The following TOX3 variants were observed in gnomAD, a reference collection of about 807,000 sequenced individuals.
The protein encoded by TOX3 is CAG trinucleotide repeat-containing gene F9 protein.
TOX3 carries 22 observed loss-of-function variants against 64.3 expected under a neutral mutation model. The ratio of observed to expected loss-of-function variants is 0.34; its 90% CI spans 0.24 to 0.49. TOX3 has a LOEUF of 0.49. TOX3 is among the 20% of genes least tolerant of loss of function. TOX3 has a pLI of 0.99. For missense variants in TOX3, 661 were observed against 714.4 expected (o/e 0.93, Z 0.85); for synonymous variants, 291 against 273.6 (o/e 1.06, Z -0.63).
intron 1 of TOX3, among the ~76,000 whole-genome samples, chr16:52,511,105 T>C (rs754500303): frequency 5.3e-5 from 8 of 152,172 alleles, no homozygotes; most frequent in Non-Finnish European, 8.8e-5. Flanking sequence ...CAGGTCATGC[T>C]GTGACCATCT....
At chr16:52,442,232 A>T (rs1216222301) in intron 6 of TOX3, among the ~76,000 whole-genome samples, 1 of 152,174 alleles carries the variant, frequency 6.6e-6, no homozygotes, top group African/African-American at 2.4e-5. Context: ...ATTAAAAGTG[A>T]TAGCAGAGTC....
intron 1 of TOX3, among the ~76,000 whole-genome samples, chr16:52,520,352 G>T (rs762463833): frequency 3.3e-5 from 5 of 152,152 alleles, no homozygotes; most frequent in Non-Finnish European, 5.9e-5. Flanking sequence ...AAAATACAGT[G>T]CTCTGCCTCT....
intron 3 of TOX3, among the ~76,000 whole-genome samples, chr16:52,453,452 G>A (rs1960418517): frequency 6.6e-6 from 1 of 152,054 alleles, no homozygotes; most frequent in African/African-American, 2.4e-5. Context: ...CCAAAGTGCT[G>A]GGATTACAGG....
chr16:52,505,721 G>T (rs906814340), intron 1 of TOX3, among the ~76,000 whole-genome samples: 2 of 152,148 alleles, frequency 1.3e-5, no homozygotes, highest in African/African-American at 4.8e-5. Context: ...TCATGTCTGT[G>T]ATCCCAGCAC....
At chr16:52,525,853 C>T (rs557821489) in intron 1 of TOX3, among the ~76,000 whole-genome samples, 1 of 152,298 alleles carries the variant, frequency 6.6e-6, no homozygotes, top group East Asian at 1.9e-4. Flanking sequence ...CAATACATCG[C>T]ATTGAAAGGT....
At chr16:52,536,556 A>G (rs1346333463) in intron 1 of TOX3, among the ~76,000 whole-genome samples, 1 of 146,182 alleles carries the variant, frequency 6.8e-6, no homozygotes, top group African/African-American at 2.5e-5. Flanking sequence ...ATCAATTCCC[A>G]TGCCCATACA....
At chr16:52,453,334 C>T (rs1401813838) in intron 3 of TOX3, among the ~76,000 whole-genome samples, 1 of 152,038 alleles carries the variant, frequency 6.6e-6, no homozygotes, top group Non-Finnish European at 1.5e-5. Flanking sequence ...CAGGCACGCA[C>T]CACCATACCC....
intron 1 of TOX3, among the ~76,000 whole-genome samples, chr16:52,542,493 C>G (rs1963095288): frequency 6.6e-6 from 1 of 152,010 alleles, no homozygotes; most frequent in Non-Finnish European, 1.5e-5. Context: ...GATTATCATC[C>G]TCTTGAAAAA....
intron 3 of TOX3, among the ~76,000 whole-genome samples, chr16:52,454,418 C>T (rs1441713459): frequency 6.6e-6 from 1 of 152,130 alleles, no homozygotes; most frequent in African/African-American, 2.4e-5. Flanking sequence ...TTTAAAGTAA[C>T]CTCTGACCCA....
intron 3 of TOX3, among the ~76,000 whole-genome samples, chr16:52,460,608 G>C (rs546304886): frequency 1.2e-4 from 18 of 152,124 alleles, no homozygotes; most frequent in Admixed American, 9.8e-4. Flanking sequence ...TTCTATTCAA[G>C]ATATTTTATC....
chr16:52,547,749 C>A (rs1392153101), upstream of TOX3: 1 of 152,190 alleles, frequency 6.6e-6, no homozygotes, highest in African/African-American at 2.4e-5. Flanking sequence ...TGGGGCCTGA[C>A]CTTTCACAGG....
In TOX3 at chr16:52,438,267, A is replaced by C. The variant is rs1053057199; in HGVS notation, c.*958T>G. On this transcript the variant is annotated 3_prime_UTR_variant, in exon 7 of 7. Coordinates refer to ENST00000219746, the MANE Select transcript of TOX3 (RefSeq NM_001080430.4). ...TTACGTTAAAGCCTCATTTAGGAAA[A>C]CTTTACAGCACATGATATGAAAACT... The C allele has an allele frequency of 2.6e-5, 4 of 152,652 alleles. No individual in the cohort carries two copies. The highest frequency in any genetic ancestry group is 4.4e-5 in the Non-Finnish European group (3 of 68,032). The allele number at this position is 152,652 out of a possible 1,614,324, so 9.5% of individuals were successfully genotyped here.
intron 1 of TOX3, among the ~76,000 whole-genome samples, chr16:52,474,740 G>A (rs1961158489): frequency 6.6e-6 from 1 of 152,024 alleles, no homozygotes; most frequent in Non-Finnish European, 1.5e-5. Context: ...AAAGAACTAA[G>A]GAAGGAGGGA....
chr16:52,452,211 G>A (rs552099568), intron 3 of TOX3, among the ~76,000 whole-genome samples: 4 of 152,308 alleles, frequency 2.6e-5, no homozygotes, highest in African/African-American at 7.2e-5. Flanking sequence ...GGGGTAGAAT[G>A]GGAGGGGCAA....
intron 1 of TOX3, among the ~76,000 whole-genome samples, chr16:52,509,230 T>A (rs1359415649): frequency 6.6e-6 from 1 of 152,218 alleles, no homozygotes; most frequent in African/African-American, 2.4e-5. Context: ...CTAAAAGATT[T>A]TTTTCCAACC....
intron 1 of TOX3, among the ~76,000 whole-genome samples, chr16:52,532,518 T>C (rs539646248): frequency 6.6e-6 from 1 of 152,344 alleles, no homozygotes; most frequent in South Asian, 2.1e-4. Flanking sequence ...TGCAGTTGAC[T>C]GCAAACACAT....
chr16:52,444,592 A>T (rs1379587960), intron 5 of TOX3: 1 of 373,334 alleles, frequency 2.7e-6, no homozygotes, highest in Non-Finnish European at 4.7e-6. Flanking sequence ...TTTTATATTT[A>T]CTATTGCAAA....
At chr16:52,499,187 G>A (rs191189132) in intron 1 of TOX3, among the ~76,000 whole-genome samples, 42 of 152,284 alleles carry the variant, frequency 2.8e-4, no homozygotes, top group African/African-American at 7.5e-4. Context: ...ATGATCACAG[G>A]GGAAAAATTA....
At chr16:52,519,890 A>T (rs529390052) in intron 1 of TOX3, among the ~76,000 whole-genome samples, 1 of 151,484 alleles carries the variant, frequency 6.6e-6, no homozygotes, top group East Asian at 2.0e-4. Context: ...TGAGCCTGGG[A>T]GGTCAAGGCT....
Sources: gnomAD v4.1 joint callset for allele counts (sites outside exome capture counted in the v4.1 genomes callset) on GRCh38, gnomAD v4.1.1 for gene constraint, MANE v1.5 for transcripts, NCBI Gene and HGNC (gene_info 2026-07-23, HGNC 2026-07-21) for gene names.